HIRA: variants seen among roughly 807,000 people sequenced by gnomAD.
The protein encoded by HIRA is histone cell cycle regulator, also known as protein HIRA.
HIRA carries 13 observed loss-of-function variants against 126.6 expected under a neutral mutation model. That is an observed-to-expected ratio of 0.10 (90% CI 0.07 to 0.16). HIRA has a LOEUF of 0.16. Ranked by LOEUF, HIRA falls within the 10% of genes least tolerant of loss-of-function variation. The probability of loss-of-function intolerance (pLI) is 1.00; values close to 1 mark genes in which losing one functional copy is unlikely to be tolerated. For synonymous variants in HIRA, 511 were observed against 520.0 expected, an observed-to-expected ratio of 0.98 and a Z score of 0.24; for missense variants, 834 against 1,314.4, an observed-to-expected ratio of 0.63 and a Z score of 5.65.
Position 19,385,831 on chromosome 22 carries a change from C to A in HIRA, c.1114-95G>T. ...GCAAACTACAGCAGGGCTCTCCTGG[C>A]TCTGAGTGGAGAAGGGACCCAAGGC... On this transcript the variant is annotated intron_variant, in intron 11 of 24. Coordinates refer to ENST00000263208, the MANE Select transcript of HIRA (RefSeq NM_003325.4). 3 of 1,235,482 alleles carry A rather than the reference C, an allele frequency of 2.4e-6. No individual in the cohort carries two copies. In the South Asian group the frequency reaches 4.1e-5, roughly 17 times the overall value. The allele number at this position is 1,235,482 out of a possible 1,614,324, so 76.5% of individuals were successfully genotyped here. A position where few individuals can be genotyped will look rare whatever the true frequency, so the allele number is the denominator to read the frequency against.
chr22:19,394,229 C>T lies in HIRA; in HGVS notation c.822+113G>A, dbSNP rs184495831. On this transcript the variant is annotated intron_variant, in intron 8 of 24. Coordinates refer to ENST00000263208, the MANE Select transcript of HIRA (RefSeq NM_003325.4). ...CCAATAAATCAACCAAGTACATACT[C>T]TATTTTGTAAAATTAGCTTTTAAAT... The T allele has an allele frequency of 3.0e-3, 3,820 of 1,286,704 alleles. 10 individuals are homozygous for T. Among genetic ancestry groups the T allele is most frequent in the Non-Finnish European group, 3.1e-3 (2,939 of 936,862 alleles). 79.7% of individuals were successfully genotyped at this position (1,286,704 alleles called of 1,614,324 possible).
chr22:19,422,813 G>A (rs146354914), intron 1 of HIRA, among the ~76,000 whole-genome samples: 11 of 152,258 alleles, frequency 7.2e-5, no homozygotes, highest in African/African-American at 2.6e-4. Flanking sequence ...ACAGCTCCCT[G>A]TAGTCTTCCT....
chr22:19,350,110 G>A (rs885981), intron 24 of HIRA, among the ~76,000 whole-genome samples: 131,909 of 152,034 alleles, frequency 0.87, 58,501 homozygotes, highest in Non-Finnish European at 0.96. Context: ...TGAAATAGCA[G>A]CCTGCCAGTA....
At position 19,361,225 on chromosome 22, in the gene HIRA, C is replaced by T; in HGVS notation, c.2085+12G>A. On this transcript the variant is annotated intron_variant, in intron 17 of 24. Transcript: ENST00000263208. ...GTGCCTGAGGGAGAACTGGCAGGGTCCTAGAACTTACCTGGAGGGTGAATG... is the reference window on the plus strand; with the variant it reads ...GTGCCTGAGGGAGAACTGGCAGGGTTCTAGAACTTACCTGGAGGGTGAATG... 6.2e-7 allele frequency: 1 copy of T among 1,606,728 alleles called. No homozygotes were observed. The highest frequency in any genetic ancestry group is 8.5e-7 in the Non-Finnish European group (1 of 1,173,368).
intron 21 of HIRA, among the ~76,000 whole-genome samples, chr22:19,355,318 GA>G (rs2146191587): frequency 1.3e-5 from 2 of 152,236 alleles, no homozygotes; most frequent in African/African-American, 4.8e-5. Context: ...GTGGACAGAG[GA>G]AAAGTACAGA....
chr22:19,431,320 T>G (rs900398542), intron 1 of HIRA, 120 bp downstream of exon 1: 5 of 1,169,534 alleles, frequency 4.3e-6, no homozygotes, highest in Non-Finnish European at 5.0e-6. Flanking sequence ...GCTTCTTGGC[T>G]TGGGCACCGG....
At chr22:19,339,395 G>A (rs1360858823) in intron 24 of HIRA, among the ~76,000 whole-genome samples, 1 of 152,144 alleles carries the variant, frequency 6.6e-6, no homozygotes, top group Non-Finnish European at 1.5e-5. Flanking sequence ...AGCAATTTTG[G>A]AGGCCAAGGC....
intron 15 of HIRA, among the ~76,000 whole-genome samples, chr22:19,363,137 G>T (rs1452404690): frequency 8.6e-5 from 13 of 151,512 alleles, no homozygotes; most frequent in Admixed American, 5.9e-4. Flanking sequence ...GGCAGGCTGA[G>T]GCAGGGCAAT....
intron 24 of HIRA, among the ~76,000 whole-genome samples, chr22:19,346,368 T>G (rs953829936): frequency 2.0e-5 from 3 of 152,012 alleles, no homozygotes; most frequent in African/African-American, 7.3e-5. Flanking sequence ...AATAAAAGAG[T>G]GTTGATAAAT....
chr22:19,410,804 G>A, intron 1 of HIRA, 26 bp from the exon 2 acceptor site: 1 of 1,595,832 alleles, frequency 6.3e-7, no homozygotes, highest in South Asian at 1.1e-5. Context: ...AAAAAATACA[G>A]TATCTAAATT....
intron 9 of HIRA, 88 bp downstream of exon 9, chr22:19,392,013 C>G (rs1277489991): frequency 1.5e-6 from 1 of 688,922 alleles, no homozygotes; most frequent in Non-Finnish European, 2.5e-6. Context: ...CTCTTAGCAT[C>G]ACCCAAAGCA....
At chr22:19,421,765 G>C (rs541458570) in intron 1 of HIRA, among the ~76,000 whole-genome samples, 6 of 152,238 alleles carry the variant, frequency 3.9e-5, no homozygotes, top group Non-Finnish European at 8.8e-5. Context: ...TCCCACTCTG[G>C]GTTTCAAGCA....
intron 15 of HIRA, among the ~76,000 whole-genome samples, chr22:19,366,449 A>G (rs547264216): frequency 6.6e-6 from 1 of 152,362 alleles, no homozygotes; most frequent in South Asian, 2.1e-4. Flanking sequence ...ACCATTCTAG[A>G]TGTCATTAAG....
intron 7 of HIRA, among the ~76,000 whole-genome samples, chr22:19,396,510 C>CT (rs1419818929): frequency 2.0e-5 from 3 of 152,218 alleles, no homozygotes; most frequent in African/African-American, 7.2e-5. Context: ...GAGCGAAACT[C>CT]TGTCGCCAAA....
chr22:19,376,918 C>T (rs1182299219), intron 14 of HIRA, among the ~76,000 whole-genome samples: 2 of 152,206 alleles, frequency 1.3e-5, no homozygotes, highest in East Asian at 1.9e-4. Context: ...GGGGCACCAC[C>T]GCCTAACAGA....
rs1404827870 is a variant in HIRA, at chr22:19,413,193, T to G, written c.38-2415A>C. 2.6e-5 allele frequency among the ~76,000 whole-genome samples: 4 copies of G among 152,288 alleles called. No homozygotes were observed. In the East Asian group the frequency reaches 5.8e-4, roughly 22 times the overall value. On this transcript the variant is annotated intron_variant, in intron 1 of 24. Coordinates refer to ENST00000263208, the MANE Select transcript of HIRA (RefSeq NM_003325.4). The stretch of plus-strand genomic sequence containing the variant: ...AGCTGAGACATTTCTCTAAAGGTAC[T>G]TTCAAGGCAGGGTAATGCCAAGGTC...
rs575450941 is a variant in HIRA at position 19,354,070 on chromosome 22, A to G, written c.2610T>C (p.Phe870=). The G allele has an allele frequency of 1.1e-5, 18 of 1,613,256 alleles. No individual in the cohort carries two copies. In the South Asian group the frequency reaches 1.3e-4, roughly 12 times the overall value. The change falls in exon 22 of 25, where the codon TTT becomes TTC. Residue 870 remains phenylalanine, a synonymous_variant. Transcript: ENST00000263208. The part of the protein sequence containing the change: ...KQDSLAQCAD[F]RSSLPSQDAM... The stretch of plus-strand genomic sequence containing the variant: ...CGTCCTGGGATGGCAGGCTGCTCCT[A>G]AAGTCTGCACACTGAGCCAGTGAGT...
chr22:19,371,411 A>AT (rs372816500), intron 15 of HIRA, among the ~76,000 whole-genome samples: 5 of 151,506 alleles, frequency 3.3e-5, no homozygotes, highest in South Asian at 2.1e-4. Flanking sequence ...TTCTAAAAGT[A>AT]TTTTTTTTGG....
intron 3 of HIRA, 23 bp downstream of exon 3, chr22:19,408,460 T>C: frequency 6.8e-7 from 1 of 1,481,028 alleles, no homozygotes; most frequent in Non-Finnish European, 9.4e-7. Flanking sequence ...ACGCAAAGCC[T>C]GCAAAGGGCC....
Sources: gnomAD v4.1 joint callset for allele counts (sites outside exome capture counted in the v4.1 genomes callset) on GRCh38, gnomAD v4.1.1 for gene constraint, MANE v1.5 for transcripts, NCBI Gene and HGNC (gene_info 2026-07-23, HGNC 2026-07-21) for gene names.